Variants in MSRA observed in about 807,000 individuals in gnomAD.
The protein encoded by MSRA is mitochondrial peptide methionine sulfoxide reductase.
MSRA carries 54 observed loss-of-function variants against 31.3 expected under a neutral mutation model. That is an observed-to-expected ratio of 1.73 (90% CI 1.39 to 2.17). MSRA has a LOEUF of 2.17. MSRA is among the 30% of genes most tolerant of loss of function. The pLI is 0.00. For missense variants in MSRA, 507 were observed against 300.9 expected (o/e 1.69, Z -5.07); for synonymous variants, 169 against 116.5 (o/e 1.45, Z -2.90).
intron 5 of MSRA, among the ~76,000 whole-genome samples, chr8:10,391,482 C>G (rs892132297): frequency 4.6e-5 from 7 of 152,208 alleles, no homozygotes; most frequent in Non-Finnish European, 8.8e-5. Flanking sequence ...GAACCAAAAT[C>G]ATAATTTCAG....
chr8:10,249,386 G>C (rs560650075), intron 3 of MSRA, among the ~76,000 whole-genome samples: 1 of 152,274 alleles, frequency 6.6e-6, no homozygotes, highest in African/African-American at 2.4e-5. Context: ...CAGAGTTTTG[G>C]TCGGACCTCC....
intron 5 of MSRA, among the ~76,000 whole-genome samples, chr8:10,418,169 A>T (rs752071294): frequency 6.6e-6 from 1 of 152,214 alleles, no homozygotes. Context: ...AAATAATTAC[A>T]TGAAAACCTA....
intron 2 of MSRA, among the ~76,000 whole-genome samples, chr8:10,238,540 G>GA (rs1812141366): frequency 6.6e-6 from 1 of 152,132 alleles, no homozygotes; most frequent in African/African-American, 2.4e-5. Flanking sequence ...AATAAATGAT[G>GA]AAAAAACAGT....
At chr8:10,406,893 A>T (rs1442314075) in intron 5 of MSRA, among the ~76,000 whole-genome samples, 2 of 152,106 alleles carry the variant, frequency 1.3e-5, no homozygotes, top group Non-Finnish European at 2.9e-5. Context: ...CACTCTCTCA[A>T]CCAGGCTAGA....
chr8:10,225,358 G>T (rs1321636269), intron 2 of MSRA, among the ~76,000 whole-genome samples: 1 of 152,150 alleles, frequency 6.6e-6, no homozygotes, highest in Non-Finnish European at 1.5e-5. Flanking sequence ...TATGATTAGA[G>T]ATTGAATGGA....
chr8:10,207,056 CAAA>C (rs1809053653), intron 1 of MSRA, among the ~76,000 whole-genome samples: 1 of 152,200 alleles, frequency 6.6e-6, no homozygotes, highest in Non-Finnish European at 1.5e-5. Flanking sequence ...TGCTCCTATT[CAAA>C]ACCTGCTGAG....
intron 5 of MSRA, among the ~76,000 whole-genome samples, chr8:10,393,089 G>T (rs1267119322): frequency 5.0e-5 from 7 of 140,478 alleles, no homozygotes; most frequent in Non-Finnish European, 9.3e-5. Flanking sequence ...AAAAAGTTCT[G>T]TTGTTTCTGA....
At chr8:10,157,227 C>A (rs919973193) in intron 1 of MSRA, among the ~76,000 whole-genome samples, 1 of 152,052 alleles carries the variant, frequency 6.6e-6, no homozygotes, top group Non-Finnish European at 1.5e-5. Context: ...TAGTAAAGAT[C>A]TCGTTAACAC....
At chr8:10,367,072 A>T (rs565459038) in intron 5 of MSRA, among the ~76,000 whole-genome samples, 1 of 152,324 alleles carries the variant, frequency 6.6e-6, no homozygotes, top group Admixed American at 6.5e-5. Flanking sequence ...CGAACATTTT[A>T]AATTGCATGC....
intron 5 of MSRA, among the ~76,000 whole-genome samples, chr8:10,357,918 A>G (rs1349008439): frequency 1.3e-5 from 2 of 152,184 alleles, no homozygotes; most frequent in Admixed American, 6.5e-5. Context: ...CTTCCAAACC[A>G]AGAATCTTGG....
chr8:10,183,774 G>T (rs574845307), intron 1 of MSRA, among the ~76,000 whole-genome samples: 5 of 55,058 alleles, frequency 9.1e-5, no homozygotes, highest in African/African-American at 2.4e-4. Flanking sequence ...AAGCTGAGCT[G>T]GTGGTGGTGG....
chr8:10,263,633 C>T (rs1428837913), intron 3 of MSRA, among the ~76,000 whole-genome samples: 1 of 152,182 alleles, frequency 6.6e-6, no homozygotes, highest in Non-Finnish European at 1.5e-5. Flanking sequence ...GAAACTGGCC[C>T]TGGCTTCATG....
At chr8:10,307,497 T>C (rs983494605) in intron 4 of MSRA, among the ~76,000 whole-genome samples, 3 of 152,206 alleles carry the variant, frequency 2.0e-5, no homozygotes, top group African/African-American at 4.8e-5. Context: ...CCTCCAGTGA[T>C]AACAATTGGG....
intron 5 of MSRA, among the ~76,000 whole-genome samples, chr8:10,387,436 C>A (rs11783514): frequency 0.77 from 116,467 of 152,138 alleles, 45,964 homozygotes; most frequent in Non-Finnish European, 0.87. Flanking sequence ...GCCATACAAA[C>A]TATGAGACTC....
At chr8:10,171,308 T>C (rs1261334361) in intron 1 of MSRA, among the ~76,000 whole-genome samples, 4 of 151,880 alleles carry the variant, frequency 2.6e-5, no homozygotes, top group Non-Finnish European at 5.9e-5. Context: ...CACTCCCTAG[T>C]CCTGAAAAAA....
chr8:10,080,548 G>T (rs1226221049), intron 1 of MSRA, among the ~76,000 whole-genome samples: 1 of 152,010 alleles, frequency 6.6e-6, no homozygotes, highest in African/African-American at 2.4e-5. Context: ...GTTTTTTAGA[G>T]AAGGTCTCAC....
chr8:10,416,148 G>T (rs556853430), intron 5 of MSRA, among the ~76,000 whole-genome samples: 1 of 152,070 alleles, frequency 6.6e-6, no homozygotes, highest in South Asian at 2.1e-4. Flanking sequence ...CACGTCGTGG[G>T]AATTGCCCGT....
At chr8:10,216,353 C>G (rs1809987173) in intron 2 of MSRA, among the ~76,000 whole-genome samples, 1 of 152,160 alleles carries the variant, frequency 6.6e-6, no homozygotes, top group African/African-American at 2.4e-5. Flanking sequence ...TGTTTCCTAG[C>G]AGCAACATGA....
intron 2 of MSRA, among the ~76,000 whole-genome samples, chr8:10,231,775 C>A (rs544816227): frequency 1.3e-5 from 2 of 152,006 alleles, no homozygotes; most frequent in Admixed American, 1.3e-4. Flanking sequence ...TGGTGGCGGG[C>A]GCCTATAGTC....
Sources: gnomAD v4.1 joint callset for allele counts (sites outside exome capture counted in the v4.1 genomes callset) on GRCh38, gnomAD v4.1.1 for gene constraint, MANE v1.5 for transcripts, NCBI Gene and HGNC (gene_info 2026-07-23, HGNC 2026-07-21) for gene names.